Variants in PIK3AP1 observed in about 807,000 individuals in gnomAD.
PIK3AP1 encodes the protein phosphoinositide-3-kinase adaptor protein 1.
Under a neutral mutation model 88.1 loss-of-function variants are expected in PIK3AP1, and 21 were observed. That is an observed-to-expected ratio of 0.24 (90% confidence interval 0.17 to 0.34). PIK3AP1 has a LOEUF of 0.34. PIK3AP1 is among the 10% of genes least tolerant of loss of function. The pLI is 1.00. For missense variants in PIK3AP1, 828 were observed against 1,035.7 expected (o/e 0.80, Z 2.75); for synonymous variants, 398 against 400.0 (o/e 1.00, Z 0.06).
At chr10:96,705,185 T>C (rs1844345847) in intron 2 of PIK3AP1, among the ~76,000 whole-genome samples, 1 of 152,196 alleles carries the variant, frequency 6.6e-6, no homozygotes, top group African/African-American at 2.4e-5. Flanking sequence ...AGTAGGAACA[T>C]GACCAGTATT....
intron 16 of PIK3AP1, among the ~76,000 whole-genome samples, chr10:96,596,865 C>T (rs967046682): frequency 6.6e-6 from 1 of 152,194 alleles, no homozygotes; most frequent in African/African-American, 2.4e-5. Flanking sequence ...TATAATTGAA[C>T]TGTGCCACCC....
intron 2 of PIK3AP1, among the ~76,000 whole-genome samples, chr10:96,700,309 C>A (rs115990127): frequency 6.6e-6 from 1 of 152,176 alleles, no homozygotes; most frequent in African/African-American, 2.4e-5. Context: ...TAATCCTGGG[C>A]GACTCTGAAG....
intron 2 of PIK3AP1, among the ~76,000 whole-genome samples, chr10:96,662,572 CA>C (rs1843703126): frequency 6.6e-6 from 1 of 151,394 alleles, no homozygotes; most frequent in African/African-American, 2.4e-5. Flanking sequence ...CACTGCACTC[CA>C]GCCTGGGCAA....
chr10:96,628,879 T>TATACATATAG (rs1564961151), intron 8 of PIK3AP1, among the ~76,000 whole-genome samples: 1 of 10,438 alleles, frequency 9.6e-5, no homozygotes, highest in Non-Finnish European at 3.8e-4. Flanking sequence ...TATACACATA[T>TATACATATAG]ATATATATAC....
At chr10:96,619,708 A>G (rs745727238) in intron 12 of PIK3AP1, among the ~76,000 whole-genome samples, 3 of 152,216 alleles carry the variant, frequency 2.0e-5, no homozygotes, top group East Asian at 1.9e-4. Context: ...TAAAAGCTTC[A>G]AACTATACAG....
chr10:96,623,310 C>G (rs935832023), intron 11 of PIK3AP1, among the ~76,000 whole-genome samples, 162 bp downstream of exon 11: 2 of 151,948 alleles, frequency 1.3e-5, no homozygotes, highest in African/African-American at 2.4e-5. Context: ...TGATTCACCC[C>G]CCTTAGCCTC....
intron 10 of PIK3AP1, 87 bp downstream of exon 10, chr10:96,626,621 C>T: frequency 1.4e-6 from 2 of 1,386,524 alleles, no homozygotes; most frequent in Admixed American, 2.0e-5. Flanking sequence ...AGTCTCTGAG[C>T]AATGGTTCAA....
chr10:96,637,290 G>A (rs1027457051), intron 8 of PIK3AP1, among the ~76,000 whole-genome samples: 1 of 149,308 alleles, frequency 6.7e-6, no homozygotes, highest in Non-Finnish European at 1.5e-5. Flanking sequence ...AAGAGGGAGA[G>A]GAAGATGTGG....
intron 2 of PIK3AP1, among the ~76,000 whole-genome samples, chr10:96,707,949 A>C (rs899563611): frequency 6.6e-6 from 1 of 152,258 alleles, no homozygotes; most frequent in Non-Finnish European, 1.5e-5. Flanking sequence ...TTTATGTTAC[A>C]AAATGAGAAG....
intron 8 of PIK3AP1, chr10:96,633,125 G>A (rs890450743): frequency 6.7e-7 from 1 of 1,483,738 alleles, no homozygotes; most frequent in Admixed American, 2.3e-5. Context: ...ACCATGAGAG[G>A]TATGCCAGAG....
chr10:96,597,478 G>A (rs959446010), intron 16 of PIK3AP1, among the ~76,000 whole-genome samples: 33 of 151,786 alleles, frequency 2.2e-4, no homozygotes, highest in Admixed American at 5.9e-4. Flanking sequence ...AGGCCCTCAA[G>A]ATGATGCAAG....
At chr10:96,627,187 A>G (rs946548869) in intron 9 of PIK3AP1, among the ~76,000 whole-genome samples, 1 of 152,242 alleles carries the variant, frequency 6.6e-6, no homozygotes, top group East Asian at 1.9e-4. Flanking sequence ...TATTCATCCC[A>G]TTAGAACTAG....
intron 16 of PIK3AP1, among the ~76,000 whole-genome samples, chr10:96,599,486 C>T (rs1262129515): frequency 6.6e-6 from 1 of 152,044 alleles, no homozygotes; most frequent in Non-Finnish European, 1.5e-5. Context: ...GAGGCAAGGA[C>T]CAGAACCGGG....
At chr10:96,622,911 ATAGTT>A (rs1257482777) in intron 11 of PIK3AP1, among the ~76,000 whole-genome samples, 1 of 152,266 alleles carries the variant, frequency 6.6e-6, no homozygotes, top group African/African-American at 2.4e-5. Context: ...GAATCAAAGT[ATAGTT>A]TAGCTAGTAT....
At chr10:96,691,238 A>C (rs1426166804) in intron 2 of PIK3AP1, among the ~76,000 whole-genome samples, 1 of 151,672 alleles carries the variant, frequency 6.6e-6, no homozygotes, top group Non-Finnish European at 1.5e-5. Flanking sequence ...CACTCTCCCC[A>C]CCTCCCGCAA....
At chr10:96,668,036 C>T (rs1046224035) in intron 2 of PIK3AP1, among the ~76,000 whole-genome samples, 3 of 152,130 alleles carry the variant, frequency 2.0e-5, no homozygotes, top group Non-Finnish European at 4.4e-5. Context: ...TTAAAATATA[C>T]TTACTTAGAA....
At chr10:96,706,336 T>C in intron 2 of PIK3AP1, among the ~76,000 whole-genome samples, 1 of 152,298 alleles carries the variant, frequency 6.6e-6, no homozygotes, top group Non-Finnish European at 1.5e-5. Context: ...TATTTTGAGG[T>C]ACCTTAGGAA....
chr10:96,603,632 T>C, intron 15 of PIK3AP1: 1 of 154,498 alleles, frequency 6.5e-6, no homozygotes, highest in Non-Finnish European at 1.4e-5. Flanking sequence ...AGGTGGCCTC[T>C]TGTGGGACTC....
At chr10:96,634,287 G>A (rs1843284708) in intron 8 of PIK3AP1, among the ~76,000 whole-genome samples, 1 of 152,228 alleles carries the variant, frequency 6.6e-6, no homozygotes, top group Non-Finnish European at 1.5e-5. Flanking sequence ...AGACACAGGG[G>A]AAGACCCGAA....
Sources: allele counts gnomAD v4.1 joint callset (sites outside exome capture counted in the v4.1 genomes callset), GRCh38; gene constraint gnomAD v4.1.1; transcripts MANE v1.5; gene names NCBI Gene and HGNC (gene_info 2026-07-23, HGNC 2026-07-21).